The following ZNF469 variants were observed in gnomAD, a reference collection of about 807,000 sequenced individuals.
The protein encoded by ZNF469 is zinc finger protein 469.
Under a neutral mutation model 1.0 loss-of-function variants are expected in ZNF469, and 1 was observed. The ratio of observed to expected loss-of-function variants is 1.00; its 90% CI spans 0.35 to 4.73. The LOEUF is 4.73. Among genes scored for constraint, ZNF469 ranks in the 30% most tolerant of loss-of-function variants. The pLI is 0.16. For synonymous variants in ZNF469, 2,703 were observed against 2,363.4 expected (o/e 1.14, Z -4.17); for missense variants, 6,100 against 5,356.3 (o/e 1.14, Z -4.33).
At chr16:88,211,353 A>C in the ZNF469 span, among the ~76,000 whole-genome samples, 3 of 152,244 alleles carry the variant, frequency 2.0e-5, no homozygotes, top group Admixed American at 2.0e-4. Flanking sequence ...GGCAGGCATT[A>C]GTTAAATGCC....
chr16:88,419,286 T>C (rs1222481916), intron 1 of ZNF469, among the ~76,000 whole-genome samples: 1 of 152,120 alleles, frequency 6.6e-6, no homozygotes, highest in African/African-American at 2.4e-5. Flanking sequence ...GGATCAGCCC[T>C]GGTGGGCAGC....
the ZNF469 span, among the ~76,000 whole-genome samples, chr16:88,314,724 G>C: frequency 1.4e-5 from 2 of 146,840 alleles, no homozygotes; most frequent in Non-Finnish European, 3.0e-5. Flanking sequence ...GATGATGCTG[G>C]TGTGGACTGT....
chr16:88,250,583 A>G, the ZNF469 span, among the ~76,000 whole-genome samples: 1 of 152,140 alleles, frequency 6.6e-6, no homozygotes, highest in Admixed American at 6.5e-5. Flanking sequence ...TTTCCCTCTC[A>G]TGCCTCTGGA....
At chr16:88,381,456 C>A (rs145691468), upstream of ZNF469, among the ~76,000 whole-genome samples, 195 of 152,182 alleles carry the variant, frequency 1.3e-3, 1 homozygote, top group African/African-American at 4.2e-3. Flanking sequence ...AAATTGAAGT[C>A]TTTCTTAGAA....
chr16:88,107,578 C>T, the ZNF469 span, among the ~76,000 whole-genome samples: 251 of 152,334 alleles, frequency 1.6e-3, no homozygotes, highest in African/African-American at 5.7e-3. Context: ...ATGCCACTGC[C>T]GTGCACAGCA....
chr16:88,303,231 G>A, the ZNF469 span, among the ~76,000 whole-genome samples: 3 of 152,216 alleles, frequency 2.0e-5, no homozygotes, highest in Admixed American at 1.3e-4. Flanking sequence ...GCATGCAGCC[G>A]CCAGCCATGG....
the ZNF469 span, among the ~76,000 whole-genome samples, chr16:88,161,998 C>A: frequency 6.6e-6 from 1 of 152,172 alleles, no homozygotes; most frequent in South Asian, 2.1e-4. Context: ...TGGAAAGAAT[C>A]ACAAATAGAG....
chr16:88,193,047 GATGAT>G, the ZNF469 span, among the ~76,000 whole-genome samples: 258 of 138,352 alleles, frequency 1.9e-3, 3 homozygotes, highest in Middle Eastern at 3.9e-3. Flanking sequence ...TGGTGGTGGT[GATGAT>G]GGTGATGGTG....
chr16:88,389,909 C>T lies in ZNF469; in HGVS notation c.-192+6655C>T, dbSNP rs114005473. ...CACTTACCTGTCCACTCTCCACTCTCCACATGCAGGGCCAGGTGCTTCCTC... is the reference window on the plus strand; with the variant it reads ...CACTTACCTGTCCACTCTCCACTCTTCACATGCAGGGCCAGGTGCTTCCTC... On this transcript the variant is annotated intron_variant, in intron 1 of 2. Transcript: ENST00000565624. Among the ~76,000 whole-genome samples the T allele has an allele frequency of 2.5e-3, 386 of 152,330 alleles. 1 individual carries two copies. Among genetic ancestry groups the T allele is most frequent in the African/African-American group, 8.7e-3 (360 of 41,578 alleles).
intron 1 of ZNF469, among the ~76,000 whole-genome samples, chr16:88,404,579 G>A (rs1482245849): frequency 6.6e-6 from 1 of 152,212 alleles, no homozygotes. Flanking sequence ...GGAAGAACTG[G>A]GAGGCCTTGG....
the ZNF469 span, among the ~76,000 whole-genome samples, chr16:88,228,073 G>T: frequency 6.6e-6 from 1 of 152,226 alleles, no homozygotes. Context: ...TTGCATTTAG[G>T]GCCCCCGATC....
chr16:88,295,751 C>T, the ZNF469 span, among the ~76,000 whole-genome samples: 2 of 152,302 alleles, frequency 1.3e-5, no homozygotes, highest in South Asian at 2.1e-4. Context: ...CTTAGCAGTG[C>T]GAGGATGGCT....
the ZNF469 span, among the ~76,000 whole-genome samples, chr16:88,273,347 G>C: frequency 2.0e-5 from 3 of 151,634 alleles, no homozygotes; most frequent in South Asian, 4.2e-4. Context: ...ATCCAACAAA[G>C]GATTTTTATA....
the ZNF469 span, among the ~76,000 whole-genome samples, chr16:88,253,672 G>T: frequency 6.6e-6 from 1 of 151,338 alleles, no homozygotes; most frequent in East Asian, 1.9e-4. Flanking sequence ...TGAGTAGCTG[G>T]GATCACAGGC....
chr16:88,393,121 C>T (rs749149193), intron 1 of ZNF469, among the ~76,000 whole-genome samples: 68 of 152,382 alleles, frequency 4.5e-4, no homozygotes, highest in Non-Finnish European at 6.8e-4. Context: ...GGGCACCACG[C>T]GGCTGGCAGC....
the ZNF469 span, among the ~76,000 whole-genome samples, chr16:88,205,630 G>A: frequency 3.9e-5 from 6 of 152,238 alleles, no homozygotes; most frequent in Middle Eastern, 6.8e-3. This position sits in a 1 kb window ranked among gnomAD's most constrained non-coding sequence, Gnocchi z 4.2. Flanking sequence ...CCTGGGGCTC[G>A]TCCGGCGGTA....
the ZNF469 span, among the ~76,000 whole-genome samples, chr16:88,102,292 G>A: frequency 7.9e-4 from 120 of 152,280 alleles, 1 homozygote; most frequent in African/African-American, 2.7e-3. Context: ...CAAGGCGGGT[G>A]GATCACCTGA....
chr16:88,130,832 C>T, the ZNF469 span, among the ~76,000 whole-genome samples: 1,871 of 152,246 alleles, frequency 0.012, 27 homozygotes, highest in African/African-American at 0.042. Context: ...AGCGCAGCAC[C>T]GGCGCTGGGA....
rs543370102 is a variant in ZNF469 at position 88,436,843 on chromosome 16, C to T, written c.9373C>T (p.Arg3125Cys). 7.5e-4 allele frequency: 1,151 copies of T among 1,532,950 alleles called. No individual in the cohort carries two copies. Among genetic ancestry groups the T allele is most frequent in the Admixed American group, 3.1e-3 (158 of 50,340 alleles). The allele number at this position is 1,532,950 out of a possible 1,614,324, so 95.0% of individuals were successfully genotyped here. A position where few individuals can be genotyped will look rare whatever the true frequency, so the allele number is the denominator to read the frequency against. The change falls in exon 3 of 3, where the codon CGC (arginine) becomes TGC (cysteine). Residue 3125 changes from arginine to cysteine, a missense_variant. By Grantham distance (180) the Arg-to-Cys change is radical. Coordinates refer to ENST00000565624, the MANE Select transcript of ZNF469 (RefSeq NM_001367624.2). ...YKCKVCFQRFRSLGELDLHKL... is the reference protein window; with the variant it reads ...YKCKVCFQRFCSLGELDLHKL... ...GTGCAAAGTGTGCTTCCAGCGCTTCCGCAGCCTGGGCGAGCTGGACCTGCA... is the reference window on the plus strand; with the variant it reads ...GTGCAAAGTGTGCTTCCAGCGCTTCTGCAGCCTGGGCGAGCTGGACCTGCA...
Sources: allele counts gnomAD v4.1 joint callset (sites outside exome capture counted in the v4.1 genomes callset), GRCh38; gene constraint gnomAD v4.1.1; non-coding constraint Gnocchi (gnomAD v3.1); transcripts MANE v1.5; gene names NCBI Gene and HGNC (gene_info 2026-07-23, HGNC 2026-07-21).